The following RAMP3 variants were observed in gnomAD, a reference collection of about 807,000 sequenced individuals.
RAMP3 encodes the protein receptor activity-modifying protein 3.
A neutral mutation model predicts 13.5 loss-of-function variants in RAMP3; 14 were observed. The ratio of observed to expected loss-of-function variants is 1.04; its 90% CI spans 0.69 to 1.63. RAMP3 has a LOEUF of 1.63. Among genes scored for constraint, RAMP3 ranks in the 40% most tolerant of loss-of-function variants. The probability of loss-of-function intolerance (pLI) is 0.00; values close to 1 mark genes in which losing one functional copy is unlikely to be tolerated. For missense variants in RAMP3, 200 were observed against 204.8 expected, an observed-to-expected ratio of 0.98 and a Z score of 0.14; for synonymous variants, 106 against 88.3, an observed-to-expected ratio of 1.20 and a Z score of -1.12.
chr7:45,177,562 C>T (rs1584076287), intron 2 of RAMP3, 121 bp downstream of exon 2: 1 of 1,441,458 alleles, frequency 6.9e-7, no homozygotes, highest in Non-Finnish European at 9.5e-7. Flanking sequence ...TCACCCACAA[C>T]CCACCGTAGG....
intron 1 of RAMP3, among the ~76,000 whole-genome samples, chr7:45,175,691 T>C (rs747772283): frequency 1.3e-5 from 2 of 152,130 alleles, no homozygotes; most frequent in African/African-American, 2.4e-5. Context: ...GTGCTCCAGG[T>C]GTTCTGCTGC....
chr7:45,160,924 G>A (rs1036294271), intron 1 of RAMP3, among the ~76,000 whole-genome samples: 1 of 152,232 alleles, frequency 6.6e-6, no homozygotes, highest in African/African-American at 2.4e-5. Flanking sequence ...TGGGTTGTCA[G>A]GTTTTGCTGG....
At chr7:45,166,190 T>C (rs77001422) in intron 1 of RAMP3, among the ~76,000 whole-genome samples, 8 of 147,304 alleles carry the variant, frequency 5.4e-5, no homozygotes, top group Admixed American at 1.3e-4. Context: ...TTTTTTTTTT[T>C]CTGAGAGAGG....
chr7:45,181,978 G>GGT (rs1786324713), intron 2 of RAMP3, among the ~76,000 whole-genome samples: 2 of 152,172 alleles, frequency 1.3e-5, no homozygotes, highest in Admixed American at 6.5e-5. Flanking sequence ...GGGCTTCCCA[G>GGT]ACCCTTCCTG....
Position 45,183,539 on chromosome 7 carries a change from C to T in RAMP3, c.*127C>T. The T allele has an allele frequency of 1.4e-6, 2 of 1,380,354 alleles. No homozygotes were observed. Among genetic ancestry groups the T allele is most frequent in the Non-Finnish European group, 2.0e-6 (2 of 1,005,600 alleles). The allele number at this position is 1,380,354 out of a possible 1,614,324, so 85.5% of individuals were successfully genotyped here. A position where few individuals can be genotyped will look rare whatever the true frequency, so the allele number is the denominator to read the frequency against. ...CACACCCCACCTGGTCATGGGCAGA[C>T]CCCTCCCTTCCTGGGCTGACCTGCT... On this transcript the variant is annotated 3_prime_UTR_variant, in exon 3 of 3. Transcript: ENST00000242249.
intron 1 of RAMP3, among the ~76,000 whole-genome samples, chr7:45,158,737 T>C (rs1221563299): frequency 6.6e-6 from 1 of 151,876 alleles, no homozygotes; most frequent in Non-Finnish European, 1.5e-5. Context: ...AGATGCAGAG[T>C]TGGGCCTGTT....
chr7:45,169,034 C>T (rs1018970227), intron 1 of RAMP3, among the ~76,000 whole-genome samples: 3 of 152,132 alleles, frequency 2.0e-5, no homozygotes, highest in East Asian at 1.9e-4. Context: ...TTGAGATGAT[C>T]GTGTGGTTCC....
At position 45,157,816 on chromosome 7, in the gene RAMP3, C is replaced by A. The variant is rs778513340; in HGVS notation, c.-13C>A. 3 of 1,431,672 alleles carry A rather than the reference C, an allele frequency of 2.1e-6. No individual in the cohort carries two copies. Among genetic ancestry groups the A allele is most frequent in the South Asian group, 2.8e-5 (2 of 70,362 alleles). 88.7% of individuals were successfully genotyped at this position (1,431,672 alleles called of 1,614,324 possible). ...AGCGGGACCGAGCGTGACCCAGCTGCGGCCGGCCAGCCATGGAGACTGGAG... is the reference window on the plus strand; with the variant it reads ...AGCGGGACCGAGCGTGACCCAGCTGAGGCCGGCCAGCCATGGAGACTGGAG... On this transcript the variant is annotated 5_prime_UTR_variant, in exon 1 of 3. Transcript: ENST00000242249.
At chr7:45,181,804 A>G (rs1221139757) in intron 2 of RAMP3, among the ~76,000 whole-genome samples, 1 of 152,182 alleles carries the variant, frequency 6.6e-6, no homozygotes, top group African/African-American at 2.4e-5. Flanking sequence ...GCTGAGGCCC[A>G]GGAGAGCCAA....
intron 2 of RAMP3, 112 bp downstream of exon 2, chr7:45,177,553 C>T (rs1258437907): frequency 1.3e-6 from 2 of 1,495,902 alleles, no homozygotes; most frequent in African/African-American, 2.8e-5. Flanking sequence ...ACCCATGCCT[C>T]ACCCACAACC....
At chr7:45,166,008 G>C (rs1029742750) in intron 1 of RAMP3, among the ~76,000 whole-genome samples, 1 of 152,242 alleles carries the variant, frequency 6.6e-6, no homozygotes, top group Middle Eastern at 3.4e-3. Context: ...ATCTGTGTGT[G>C]AACATGTGCG....
chr7:45,174,610 A>T (rs1786143547), intron 1 of RAMP3, among the ~76,000 whole-genome samples: 1 of 151,892 alleles, frequency 6.6e-6, no homozygotes, highest in African/African-American at 2.4e-5. Context: ...AGCCCTGGTC[A>T]TGTCCCCTTC....
At chr7:45,165,036 T>C (rs996183420) in intron 1 of RAMP3, among the ~76,000 whole-genome samples, 3 of 152,206 alleles carry the variant, frequency 2.0e-5, no homozygotes, top group African/African-American at 7.2e-5. Context: ...CTGCCTTCTT[T>C]TGGACTTAGT....
At chr7:45,166,935 G>T (rs1434017695) in intron 1 of RAMP3, among the ~76,000 whole-genome samples, 1 of 140,402 alleles carries the variant, frequency 7.1e-6, no homozygotes, top group Non-Finnish European at 1.5e-5. Flanking sequence ...TTATAATTTA[G>T]CTCTACATGT....
chr7:45,163,334 G>A, intron 1 of RAMP3: 1 of 985,458 alleles, frequency 1.0e-6, no homozygotes, highest in Non-Finnish European at 1.2e-6. Context: ...TAGAAGAATG[G>A]CTTCACTTTT....
chr7:45,161,479 C>A (rs1041576795), intron 1 of RAMP3, among the ~76,000 whole-genome samples: 1 of 152,194 alleles, frequency 6.6e-6, no homozygotes, highest in Non-Finnish European at 1.5e-5. Flanking sequence ...GACACAGGCC[C>A]TGTGTAGGGA....
At chr7:45,161,512 G>A (rs1158814201) in intron 1 of RAMP3, among the ~76,000 whole-genome samples, 1 of 150,274 alleles carries the variant, frequency 6.7e-6, no homozygotes, top group Non-Finnish European at 1.5e-5. Context: ...GAACAGCCAT[G>A]ACTTGGGCTG....
chr7:45,180,320 C>T (rs1786280703), intron 2 of RAMP3, among the ~76,000 whole-genome samples: 1 of 152,242 alleles, frequency 6.6e-6, no homozygotes, highest in South Asian at 2.1e-4. Context: ...TGCAGCCCAG[C>T]TCAGTCAAGA....
intron 2 of RAMP3, among the ~76,000 whole-genome samples, chr7:45,180,526 G>A (rs1294929): frequency 0.42 from 63,217 of 152,092 alleles, 14,239 homozygotes; most frequent in Admixed American, 0.51. Context: ...CCTGCCTGTG[G>A]CCTTCCCTGG....
Sources: gnomAD v4.1 joint callset for allele counts (sites outside exome capture counted in the v4.1 genomes callset) on GRCh38, gnomAD v4.1.1 for gene constraint, MANE v1.5 for transcripts, NCBI Gene and HGNC (gene_info 2026-07-23, HGNC 2026-07-21) for gene names.